NCOR2: variants seen among roughly 807,000 people sequenced by gnomAD.
The protein encoded by NCOR2 is CTG repeat protein 26.
NCOR2 carries 81 observed loss-of-function variants against 262.9 expected under a neutral mutation model. The observed-to-expected ratio is 0.31, with a 90% CI of 0.26 to 0.37. The LOEUF is 0.37. Among genes scored for constraint, NCOR2 ranks in the 10% least tolerant of loss-of-function variants. The pLI, the probability that NCOR2 is intolerant of heterozygous loss-of-function variation, is 1.00. For synonymous variants in NCOR2, 1,659 were observed against 1,559.3 expected, an observed-to-expected ratio of 1.06 and a Z score of -1.51; for missense variants, 3,385 against 3,621.4, an observed-to-expected ratio of 0.93 and a Z score of 1.68.
At chr12:124,506,288 T>TC (rs1323595244) in intron 1 of NCOR2, among the ~76,000 whole-genome samples, 3 of 152,070 alleles carry the variant, frequency 2.0e-5, no homozygotes, top group East Asian at 3.9e-4. Context: ...CCCCCGGCCC[T>TC]CCCCACGGCC....
intron 45 of NCOR2, 142 bp from the exon 48 acceptor site, chr12:124,326,512 C>A: frequency 1.2e-6 from 1 of 811,620 alleles, no homozygotes; most frequent in Non-Finnish European, 1.7e-6. Context: ...ACCCCTCCTC[C>A]CTGCTGCCCG....
chr12:124,332,589 G>T, intron 42 of NCOR2, 122 bp from the exon 45 acceptor site: 1 of 1,246,950 alleles, frequency 8.0e-7, no homozygotes, highest in Non-Finnish European at 1.1e-6. Flanking sequence ...CCGCCCCCAC[G>T]CCTGCATCCC....
chr12:124,335,249 G>A, exon 40 of NCOR2: 4 of 1,607,684 alleles, frequency 2.5e-6, no homozygotes, highest in Non-Finnish European at 3.4e-6. Context: ...GGTGTGGGAG[G>A]TGGGCGGCCT....
chr12:124,451,661 C>T (rs1220760541), intron 6 of NCOR2, among the ~76,000 whole-genome samples: 5 of 152,128 alleles, frequency 3.3e-5, no homozygotes, highest in Non-Finnish European at 7.4e-5. Context: ...CCATGGGTGA[C>T]TATGGTGGGA....
chr12:124,546,406 G>A lies in NCOR2; in HGVS notation c.-164-10795C>T, dbSNP rs138240092. 3.8e-3 allele frequency among the ~76,000 whole-genome samples: 582 copies of A among 152,270 alleles called. 2 individuals carry two copies. Among genetic ancestry groups the A allele is most frequent in the African/African-American group, 0.013 (537 of 41,554 alleles). On this transcript the variant is annotated intron_variant, in intron 1 of 32. Coordinates refer to the NCOR2 transcript ENST00000458234. ...ACAAATAAACAATTCGTAAGTTTTT[G>A]GGTTTTGGGTTTTTGTTTTGTTTTG...
At chr12:124,498,898 C>T (rs990980586), upstream of NCOR2, among the ~76,000 whole-genome samples, 40 of 152,226 alleles carry the variant, frequency 2.6e-4, no homozygotes, top group African/African-American at 9.6e-4. Flanking sequence ...AGGCCACGAA[C>T]TGCCTGACTC....
rs756136377 is a variant in NCOR2 at position 124,429,581 on chromosome 12, G to A, written c.1149+32C>T. 1.2e-5 allele frequency: 18 copies of A among 1,565,080 alleles called. No individual in the cohort carries two copies. In the South Asian group the frequency reaches 1.2e-4, roughly 10 times the overall value. ...CCTCACGGGGGATGCCAGGGAAAAG[G>A]AGCTGAGGCCAGAGTCAGGGCCTGG... On this transcript the variant is annotated intron_variant, in intron 10 of 46. Transcript: ENST00000405201.
rs570854151 is a variant in NCOR2, at chr12:124,384,412, C to T, written c.2019+1333G>A. ...GAGCTCTGGGGACAAATCCCAGGGG[C>T]CAATGTGGAGGGCACGCGGGGCACT... On this transcript the variant is annotated intron_variant, in intron 17 of 46. Coordinates refer to ENST00000405201, the Ensembl canonical transcript of NCOR2. Among the ~76,000 whole-genome samples the T allele has an allele frequency of 2.0e-5, 3 of 152,214 alleles. No homozygotes were observed. The South Asian group carries it at 6.2e-4, about 32-fold the overall frequency.
intron 8 of NCOR2, among the ~76,000 whole-genome samples, chr12:124,434,431 C>T (rs575781817): frequency 3.9e-4 from 60 of 152,242 alleles, no homozygotes; most frequent in African/African-American, 1.3e-3. Flanking sequence ...CCGGACCCTT[C>T]TTGGAAGTCC....
intron 3 of NCOR2, among the ~76,000 whole-genome samples, chr12:124,477,335 C>T (rs920140378): frequency 1.3e-5 from 2 of 152,198 alleles, no homozygotes; most frequent in Non-Finnish European, 2.9e-5. Flanking sequence ...TGAAGAAGGA[C>T]GTGTTTGCTT....
In NCOR2 at chr12:124,548,369, C is replaced by CT. The variant is rs1269214664; in HGVS notation, c.-164-12759dup. 6.6e-6 allele frequency among the ~76,000 whole-genome samples: 1 copy of CT among 152,114 alleles called. No individual in the cohort carries two copies. The highest frequency in any genetic ancestry group is 1.5e-5 in the Non-Finnish European group (1 of 68,028). ...AGTGTGGGGCCAGAGTCTCATGGAC[C>CT]TTCTGATGGGATCCCTCTGGCTGCA... On this transcript the variant is annotated intron_variant, in intron 1 of 32. Coordinates refer to the NCOR2 transcript ENST00000458234. This position sits in a 1 kb window ranked among gnomAD's most constrained non-coding sequence, Gnocchi z 5.1.
At chr12:124,527,966 T>C (rs529051384) in intron 1 of NCOR2, among the ~76,000 whole-genome samples, 3 of 152,358 alleles carry the variant, frequency 2.0e-5, no homozygotes, top group Admixed American at 1.3e-4. Flanking sequence ...GCCCCATCTG[T>C]GCGGGGCACC....
At chr12:124,333,999 T>TGCGCATGTGTGTGG (rs2035625196) in intron 41 of NCOR2, among the ~76,000 whole-genome samples, 1 of 150,906 alleles carries the variant, frequency 6.6e-6, no homozygotes, top group African/African-American at 2.4e-5. Flanking sequence ...CATGTGTGTG[T>TGCGCATGTGTGTGG]GTGCGCATGT....
chr12:124,355,826 G>A (rs116756815), intron 23 of NCOR2, among the ~76,000 whole-genome samples: 2,636 of 152,272 alleles, frequency 0.017, 86 homozygotes, highest in African/African-American at 0.06. Flanking sequence ...CTCTCATCTG[G>A]ATCCCCTGTC....
At chr12:124,565,460 T>A (rs2052206557) in intron 1 of NCOR2, among the ~76,000 whole-genome samples, 1 of 152,062 alleles carries the variant, frequency 6.6e-6, no homozygotes. Context: ...TTTGCATCTG[T>A]TCAATGGGCG....
At chr12:124,352,577 C>T (rs2037584178) in intron 27 of NCOR2, among the ~76,000 whole-genome samples, 2 of 152,092 alleles carry the variant, frequency 1.3e-5, no homozygotes, top group African/African-American at 2.4e-5. Context: ...TCTTTTTGTC[C>T]AGGCTGGTCT....
chr12:124,507,490 G>C (rs1481713663), intron 1 of NCOR2, among the ~76,000 whole-genome samples: 1 of 152,194 alleles, frequency 6.6e-6, no homozygotes, highest in Non-Finnish European at 1.5e-5. Flanking sequence ...CAGTGGCCCC[G>C]GCACTCAGCA....
At chr12:124,494,618 C>T (rs1417426850) in intron 1 of NCOR2, among the ~76,000 whole-genome samples, 1 of 152,178 alleles carries the variant, frequency 6.6e-6, no homozygotes, top group Admixed American at 6.5e-5. Flanking sequence ...AAAGACACAG[C>T]CAGCACCCTG....
At chr12:124,501,041 C>T (rs1193066519) in intron 1 of NCOR2, among the ~76,000 whole-genome samples, 15 of 105,084 alleles carry the variant, frequency 1.4e-4, no homozygotes, top group Admixed American at 4.1e-4. Context: ...GCGCCCACGG[C>T]ACGAGCGCGC....
Sources: allele counts gnomAD v4.1 joint callset (sites outside exome capture counted in the v4.1 genomes callset), GRCh38; gene constraint gnomAD v4.1.1; non-coding constraint Gnocchi (gnomAD v3.1); transcripts MANE v1.5; gene names NCBI Gene and HGNC (gene_info 2026-07-23, HGNC 2026-07-21).